Variants in FREM1 observed in about 807,000 individuals in gnomAD.
The protein encoded by FREM1 is FRAS1-related extracellular matrix protein 1.
In FREM1, 220 loss-of-function variants were observed where a neutral mutation model predicts 210.1. The ratio of observed to expected loss-of-function variants is 1.05; its 90% CI spans 0.94 to 1.17. FREM1 has a LOEUF of 1.17. Among genes scored for constraint, FREM1 ranks in the 50% most tolerant of loss-of-function variants. The pLI, the probability that FREM1 is intolerant of heterozygous loss-of-function variation, is 0.00. For missense variants in FREM1, 3,454 were observed against 2,675.5 expected (o/e 1.29, Z -6.42); for synonymous variants, 1,189 against 980.2 (o/e 1.21, Z -3.98).
rs1832052045 is a variant in FREM1, at chr9:14,868,868, C to T, written c.110G>A (p.Gly37Asp). 6 of 1,607,774 alleles carry T rather than the reference C, an allele frequency of 3.7e-6. No individual in the cohort carries two copies. The highest frequency in any genetic ancestry group is 3.4e-5 in the Admixed American group (2 of 59,194). Residue 37 changes from glycine to aspartate, a missense_variant, in exon 2 of 37, where the codon GGC (glycine) becomes GAC (aspartate). Transcript: ENST00000380880. ...ATCTCCTGACAGGAAGGCAGAGTGG[C>T]CCTTCATCACCCTCACCCCGCGGTT... ...SINRGVRVMK[G>D]HSAFLSGDDL... is the part of the protein sequence containing the mutation.
chr9:14,849,470 C>T (rs570493440), intron 6 of FREM1, among the ~76,000 whole-genome samples: 1 of 152,236 alleles, frequency 6.6e-6, no homozygotes, highest in South Asian at 2.1e-4. Flanking sequence ...ATGTATTGCA[C>T]CAGATGTTGA....
intron 1 of FREM1, among the ~76,000 whole-genome samples, chr9:14,883,125 A>G (rs1308039297): frequency 6.6e-6 from 1 of 152,098 alleles, no homozygotes; most frequent in African/African-American, 2.4e-5. Context: ...AGGTGGCAAA[A>G]TTAGGTTCAA....
At chr9:14,764,668 G>T (rs926829510) in intron 27 of FREM1, among the ~76,000 whole-genome samples, 10 of 152,200 alleles carry the variant, frequency 6.6e-5, no homozygotes, top group African/African-American at 2.4e-4. Context: ...GGGTGCTGCT[G>T]AATGTTCTGC....
At chr9:14,781,718 T>TC (rs1849668411) in intron 24 of FREM1, among the ~76,000 whole-genome samples, 1 of 152,138 alleles carries the variant, frequency 6.6e-6, no homozygotes, top group South Asian at 2.1e-4. Context: ...AATTCTTTTT[T>TC]TTGAGATGGA....
intron 1 of FREM1, among the ~76,000 whole-genome samples, chr9:14,877,832 G>C (rs1186915541): frequency 6.6e-6 from 1 of 152,148 alleles, no homozygotes; most frequent in Non-Finnish European, 1.5e-5. Context: ...GCCATAATCT[G>C]ACCCCAGACC....
chr9:14,800,794 G>T (rs1430784343), intron 20 of FREM1, among the ~76,000 whole-genome samples: 1 of 152,118 alleles, frequency 6.6e-6, no homozygotes, highest in African/African-American at 2.4e-5. Flanking sequence ...CCTAGAGAGA[G>T]CCCTTGAGAG....
intron 22 of FREM1, among the ~76,000 whole-genome samples, chr9:14,792,430 T>C (rs1194019647): frequency 6.6e-6 from 1 of 152,082 alleles, no homozygotes; most frequent in Non-Finnish European, 1.5e-5. Flanking sequence ...GAAATGAAGA[T>C]ATCACAAAAG....
At chr9:14,789,970 A>T (rs1290097860) in intron 22 of FREM1, among the ~76,000 whole-genome samples, 1 of 152,196 alleles carries the variant, frequency 6.6e-6, no homozygotes, top group Admixed American at 6.5e-5. Context: ...TAATTTTTTA[A>T]AGTCATCTTA....
intron 10 of FREM1, among the ~76,000 whole-genome samples, chr9:14,831,798 T>C (rs901740204): frequency 3.3e-5 from 5 of 152,192 alleles, no homozygotes; most frequent in Non-Finnish European, 7.3e-5. Context: ...AGAGAACTGA[T>C]TGCTTGGGGA....
chr9:14,908,420 C>T (rs533885126), intron 1 of FREM1, among the ~76,000 whole-genome samples: 1 of 152,262 alleles, frequency 6.6e-6, no homozygotes, highest in Non-Finnish European at 1.5e-5. Flanking sequence ...ACAAACATTG[C>T]TTAGCCATGC....
At chr9:14,787,036 T>C (rs1213581511) in intron 23 of FREM1, among the ~76,000 whole-genome samples, 1 of 152,126 alleles carries the variant, frequency 6.6e-6, no homozygotes, top group Non-Finnish European at 1.5e-5. Flanking sequence ...CCTCCTAAAC[T>C]TATCTGAAAG....
rs1207315629 is a variant in FREM1, at chr9:14,860,870, TATACG to T, written c.330-1391_330-1387del. On this transcript the variant is annotated intron_variant, in intron 3 of 36. Coordinates refer to ENST00000380880, the MANE Select transcript of FREM1 (RefSeq NM_001379081.2). ...ATATATACGTATATATACACATATA[TATACG>T]TATATATACACATATATACATATAT... 5.9e-4 allele frequency among the ~76,000 whole-genome samples: 44 copies of T among 74,290 alleles called. 1 individual carries two copies. Among genetic ancestry groups the T allele is most frequent in the East Asian group, 1.3e-3 (4 of 2,996 alleles). The allele number at this position is 74,290 out of a possible 152,430, so 48.7% of individuals were successfully genotyped here.
chr9:14,825,553 A>ATATG (rs1822260241), intron 10 of FREM1, among the ~76,000 whole-genome samples: 2 of 90,358 alleles, frequency 2.2e-5, no homozygotes, highest in African/African-American at 3.4e-5. Flanking sequence ...GTGTGTATAT[A>ATATG]TATATATATA....
At chr9:14,865,871 G>A (rs1831428295) in intron 2 of FREM1, among the ~76,000 whole-genome samples, 1 of 152,084 alleles carries the variant, frequency 6.6e-6, no homozygotes, top group Non-Finnish European at 1.5e-5. Context: ...CAATCACCTG[G>A]CAGTTTGAGA....
chr9:14,792,810 T>C lies in FREM1; in HGVS notation c.3914A>G (p.Asp1305Gly), dbSNP rs747936742. 1 of 1,606,150 alleles carries C rather than the reference T, an allele frequency of 6.2e-7. No individual in the cohort carries two copies. Among genetic ancestry groups the C allele is most frequent in the Admixed American group, 1.7e-5 (1 of 59,300 alleles). The change falls in exon 22 of 37, where the codon GAC becomes GGC. Residue 1305 changes from aspartate to glycine, a missense_variant. Transcript: ENST00000380880. The part of the protein sequence containing the change: ...SSAILSAIDE[D>G]SPREKIYYVF... ...ATAGTAAATCTTCTCCCTGGGTGAG[T>C]CTTCATCTATGGCTGAAAGAATAGC...
At chr9:14,794,203 A>G (rs1851928191) in intron 21 of FREM1, among the ~76,000 whole-genome samples, 1 of 152,192 alleles carries the variant, frequency 6.6e-6, no homozygotes, top group South Asian at 2.1e-4. Flanking sequence ...AAGTGATTCC[A>G]GGAGGCAGGA....
rs146109072 is a variant in FREM1, at chr9:14,767,275, G to T, written c.5204+2449C>A. On this transcript the variant is annotated intron_variant, in intron 27 of 36. Transcript: ENST00000380880. ...TTAAAAAATCCCACTGAACTTTAAG[G>T]TCCTATATGAGTAAGTATTCCTTCT... 7.4e-4 allele frequency among the ~76,000 whole-genome samples: 112 copies of T among 152,216 alleles called. 1 individual carries two copies. Among genetic ancestry groups the T allele is most frequent in the Non-Finnish European group, 1.3e-3 (89 of 68,006 alleles).
chr9:14,897,195 T>C (rs1837889974), intron 1 of FREM1, among the ~76,000 whole-genome samples: 1 of 152,236 alleles, frequency 6.6e-6, no homozygotes, highest in African/African-American at 2.4e-5. Context: ...ACTTTGTACC[T>C]GGCACTGTTG....
At position 14,848,777 on chromosome 9, in the gene FREM1, T is replaced by C. The variant is rs374187893; in HGVS notation, c.1153-4A>G. 7 of 1,581,058 alleles carry C rather than the reference T, an allele frequency of 4.4e-6. No homozygotes were observed. The highest frequency in any genetic ancestry group is 1.7e-5 in the Admixed American group (1 of 59,932). On this transcript the variant is annotated splice_region_variant and splice_polypyrimidine_tract_variant and intron_variant, in intron 6 of 36. Transcript: ENST00000380880. Reference sequence around the variant, plus strand: ...AGTCGTATACCTCCAATTCTACCTGTAAACAAACAGAGGCAAAGGAGCCAC... The same window carrying C: ...AGTCGTATACCTCCAATTCTACCTGCAAACAAACAGAGGCAAAGGAGCCAC...
Sources: gnomAD v4.1 joint callset for allele counts (sites outside exome capture counted in the v4.1 genomes callset) on GRCh38, gnomAD v4.1.1 for gene constraint, MANE v1.5 for transcripts, NCBI Gene and HGNC (gene_info 2026-07-23, HGNC 2026-07-21) for gene names.